RIMKLA: variants seen among roughly 807,000 people sequenced by gnomAD.
RIMKLA encodes the protein ribosomal modification protein rimK like family member A.
Under a neutral mutation model 32.7 loss-of-function variants are expected in RIMKLA, and 14 were observed. The ratio of observed to expected loss-of-function variants is 0.43; its 90% confidence interval spans 0.28 to 0.67. The LOEUF (loss-of-function observed/expected upper bound fraction) is 0.67, where lower values mean the gene tolerates loss of function less well. Ranked by LOEUF, RIMKLA falls within the 30% of genes least tolerant of loss-of-function variation. The probability of loss-of-function intolerance (pLI) is 0.18; values close to 1 mark genes in which losing one functional copy is unlikely to be tolerated. For synonymous variants in RIMKLA, 176 were observed against 204.1 expected (o/e 0.86, Z 1.18); for missense variants, 410 against 519.0 (o/e 0.79, Z 2.04).
At chr1:42,385,336 A>G (rs1402426052) in intron 1 of RIMKLA, among the ~76,000 whole-genome samples, 1 of 152,184 alleles carries the variant, frequency 6.6e-6, no homozygotes, top group African/African-American at 2.4e-5. Flanking sequence ...ACAGGTCTGT[A>G]TGATTAATTG....
chr1:42,411,072 G>A (rs1025632288), intron 4 of RIMKLA, among the ~76,000 whole-genome samples: 4 of 152,318 alleles, frequency 2.6e-5, no homozygotes, highest in African/African-American at 7.2e-5. Context: ...GCTTATGCCT[G>A]TAATCCCAGC....
rs1643269016 is a variant in RIMKLA, at chr1:42,418,410, C to T, written c.*3436C>T. 6.6e-6 allele frequency: 1 copy of T among 152,078 alleles called. No individual in the cohort carries two copies. The highest frequency in any genetic ancestry group is 1.5e-5 in the Non-Finnish European group (1 of 68,034). 9.4% of individuals were successfully genotyped at this position (152,078 alleles called of 1,614,324 possible). On this transcript the variant is annotated 3_prime_UTR_variant, in exon 5 of 5. Coordinates refer to ENST00000431473, the MANE Select transcript of RIMKLA (RefSeq NM_173642.4). Reference sequence around the variant, plus strand: ...AGCCACTAGTGTCACAATTTCAGGCCCATTGCTTCCAGCTAAAAGGAGATT... The same window carrying T: ...AGCCACTAGTGTCACAATTTCAGGCTCATTGCTTCCAGCTAAAAGGAGATT...
intron 3 of RIMKLA, among the ~76,000 whole-genome samples, chr1:42,404,970 G>A (rs1412045760): frequency 6.6e-6 from 1 of 152,130 alleles, no homozygotes; most frequent in Non-Finnish European, 1.5e-5. Flanking sequence ...TCATGAAACT[G>A]AAGGCCCTGT....
At chr1:42,398,825 G>A (rs941868260) in intron 1 of RIMKLA, among the ~76,000 whole-genome samples, 2 of 152,040 alleles carry the variant, frequency 1.3e-5, no homozygotes, top group Non-Finnish European at 2.9e-5. Context: ...AAATTAGCTG[G>A]GCATGGTGGT....
intron 4 of RIMKLA, chr1:42,412,869 C>T (rs1011520457): frequency 2.8e-5 from 7 of 246,980 alleles, no homozygotes; most frequent in Admixed American, 1.2e-4. Flanking sequence ...GGTGTGGTGG[C>T]TTACCCCTGT....
At chr1:42,401,602 G>A (rs10493111) in intron 2 of RIMKLA, among the ~76,000 whole-genome samples, 2,988 of 152,208 alleles carry the variant, frequency 0.02, 100 homozygotes, top group African/African-American at 0.067. Flanking sequence ...AACATAATGC[G>A]ACTTGTCAAC....
intron 1 of RIMKLA, among the ~76,000 whole-genome samples, chr1:42,391,320 T>G (rs1642998059): frequency 6.6e-6 from 1 of 152,166 alleles, no homozygotes; most frequent in South Asian, 2.1e-4. Flanking sequence ...TGACCTGGGC[T>G]CTGTAGACGA....
chr1:42,395,130 A>G (rs1367753708), intron 1 of RIMKLA, among the ~76,000 whole-genome samples: 1 of 152,220 alleles, frequency 6.6e-6, no homozygotes, highest in African/African-American at 2.4e-5. Context: ...CTTGTTTTTA[A>G]TACATCAAAA....
intron 2 of RIMKLA, among the ~76,000 whole-genome samples, chr1:42,401,332 GGGTACAGGAA>G (rs1643095379): frequency 6.6e-6 from 1 of 152,054 alleles, no homozygotes; most frequent in Non-Finnish European, 1.5e-5. Flanking sequence ...TTTAGGGAAT[GGGTACAGGAA>G]GAGGAATCTA....
chr1:42,399,137 T>C (rs995028495), intron 1 of RIMKLA, among the ~76,000 whole-genome samples: 1 of 152,188 alleles, frequency 6.6e-6, no homozygotes, highest in Non-Finnish European at 1.5e-5. Context: ...GGTGACTGTA[T>C]ATCTCCTGTG....
intron 2 of RIMKLA, among the ~76,000 whole-genome samples, chr1:42,403,888 T>A (rs1643121649): frequency 6.6e-6 from 1 of 152,224 alleles, no homozygotes; most frequent in African/African-American, 2.4e-5. Flanking sequence ...TTCTTGTAGT[T>A]GTGGGACTGA....
chr1:42,396,712 T>C (rs1041929244), intron 1 of RIMKLA, among the ~76,000 whole-genome samples: 1 of 152,228 alleles, frequency 6.6e-6, no homozygotes, highest in Non-Finnish European at 1.5e-5. Flanking sequence ...GCTGTTTTTC[T>C]TGTGAGGTGG....
chr1:42,382,883 G>A (rs796653461), intron 1 of RIMKLA, among the ~76,000 whole-genome samples: 5 of 152,006 alleles, frequency 3.3e-5, no homozygotes, highest in African/African-American at 1.2e-4. Flanking sequence ...TTGAGACAGA[G>A]TTTTGGGTCT....
At chr1:42,410,454 T>C (rs1227627425) in intron 4 of RIMKLA, among the ~76,000 whole-genome samples, 1 of 151,908 alleles carries the variant, frequency 6.6e-6, no homozygotes, top group South Asian at 2.1e-4. Context: ...GGGAGTGACA[T>C]GAGGACCAAC....
At chr1:42,384,738 C>CT (rs1642922912) in intron 1 of RIMKLA, among the ~76,000 whole-genome samples, 1 of 151,926 alleles carries the variant, frequency 6.6e-6, no homozygotes, top group African/African-American at 2.4e-5. Context: ...GAATATAGCA[C>CT]TGGCTGAGAG....
At chr1:42,385,097 C>G (rs1210165585) in intron 1 of RIMKLA, among the ~76,000 whole-genome samples, 1 of 152,116 alleles carries the variant, frequency 6.6e-6, no homozygotes, top group Non-Finnish European at 1.5e-5. Flanking sequence ...TTTATATCCC[C>G]CCTCCCTCTG....
At chr1:42,411,999 T>C (rs1643202896) in intron 4 of RIMKLA, among the ~76,000 whole-genome samples, 1 of 152,262 alleles carries the variant, frequency 6.6e-6, no homozygotes, top group Admixed American at 6.5e-5. Context: ...AGTGCCAAAG[T>C]GTTGAACCTT....
rs111342265 is a variant in RIMKLA at position 42,402,901 on chromosome 1, A to AT, written c.395-1600dup. Among the ~76,000 whole-genome samples, 93 of 148,872 alleles carry AT rather than the reference A, an allele frequency of 6.2e-4. No homozygotes were observed. In the South Asian group the frequency reaches 0.015, roughly 23 times the overall value. On this transcript the variant is annotated intron_variant, in intron 2 of 4. Transcript: ENST00000431473. Reference sequence around the variant, plus strand: ...GCCACCACACCTGGTCTTGGCTAACATTTTTTTTTTAGCCCAGTGAGACCT... The same window carrying AT: ...GCCACCACACCTGGTCTTGGCTAACATTTTTTTTTTTAGCCCAGTGAGACCT...
At chr1:42,393,965 G>A (rs113012842) in intron 1 of RIMKLA, among the ~76,000 whole-genome samples, 22,867 of 152,080 alleles carry the variant, frequency 0.15, 1,813 homozygotes, top group East Asian at 0.22. Flanking sequence ...TTGTATTTTA[G>A]GCAGAGACAG....
Sources: allele counts gnomAD v4.1 joint callset (sites outside exome capture counted in the v4.1 genomes callset), GRCh38; gene constraint gnomAD v4.1.1; transcripts MANE v1.5; gene names NCBI Gene and HGNC (gene_info 2026-07-23, HGNC 2026-07-21).